Variants in CHST11 observed in about 807,000 individuals in gnomAD.
CHST11 encodes the protein carbohydrate sulfotransferase 11.
CHST11 carries 9 observed loss-of-function variants against 30.4 expected under a neutral mutation model. The observed-to-expected ratio is 0.30, with a 90% CI of 0.18 to 0.52. The LOEUF (loss-of-function observed/expected upper bound fraction) is 0.52, where lower values mean the gene tolerates loss of function less well. CHST11 is among the 20% of genes least tolerant of loss of function. The pLI is 0.97. For missense variants in CHST11, 348 were observed against 460.6 expected (o/e 0.76, Z 2.24); for synonymous variants, 152 against 187.8 (o/e 0.81, Z 1.56).
Position 104,600,375 on chromosome 12 carries a change from C to T in CHST11, c.119-1531C>T, listed in dbSNP as rs181332754. Among the ~76,000 whole-genome samples the T allele has an allele frequency of 6.6e-6, 1 of 152,320 alleles. No homozygotes were observed. The highest frequency in any genetic ancestry group is 2.4e-5 in the African/African-American group (1 of 41,576). ...CCCTGCTTGAGGTCTGGTCACTCCT[C>T]ATCAGTCCCCTTGATAGCCACAAAT... is the stretch of plus-strand genomic sequence containing the variant. On this transcript the variant is annotated intron_variant, in intron 1 of 2. Transcript: ENST00000303694. The surrounding 1 kb of genome is among the most constrained non-coding windows in gnomAD (Gnocchi z 4.1).
At chr12:104,731,638 T>G (rs1162486364) in intron 2 of CHST11, among the ~76,000 whole-genome samples, 1 of 152,210 alleles carries the variant, frequency 6.6e-6, no homozygotes, top group Non-Finnish European at 1.5e-5. Context: ...GGACTCAGCC[T>G]CTGCGGGCCT....
intron 1 of CHST11, among the ~76,000 whole-genome samples, chr12:104,558,157 C>G (rs1430131599): frequency 1.3e-5 from 2 of 152,192 alleles, no homozygotes; most frequent in Non-Finnish European, 2.9e-5. Flanking sequence ...GCCTCTTTGC[C>G]TCCCCCAGCA....
chr12:104,585,687 C>A (rs1327732941), intron 1 of CHST11, among the ~76,000 whole-genome samples: 1 of 152,194 alleles, frequency 6.6e-6, no homozygotes, highest in African/African-American at 2.4e-5. Flanking sequence ...GCTGCCATGA[C>A]AAATTCCCAC....
At chr12:104,525,229 A>G (rs140644058) in intron 1 of CHST11, among the ~76,000 whole-genome samples, 5,417 of 152,108 alleles carry the variant, frequency 0.036, 130 homozygotes, top group South Asian at 0.089. Context: ...GGCCTCAAGC[A>G]GTCCTCCTGC....
intron 1 of CHST11, among the ~76,000 whole-genome samples, chr12:104,504,794 C>T (rs972574834): frequency 5.3e-5 from 8 of 152,108 alleles, no homozygotes; most frequent in Admixed American, 5.2e-4. Flanking sequence ...AGTGAGACAC[C>T]CATCCCCCTG....
At chr12:104,553,788 T>C (rs1374073181) in intron 1 of CHST11, among the ~76,000 whole-genome samples, 1 of 152,216 alleles carries the variant, frequency 6.6e-6, no homozygotes, top group African/African-American at 2.4e-5. Flanking sequence ...CCAAACCATA[T>C]CAGCTGCATA....
At position 104,457,281 on chromosome 12, in the gene CHST11, C is replaced by T; in HGVS notation, c.-131C>T. The T allele has an allele frequency of 1.6e-6, 1 of 620,874 alleles. No individual in the cohort carries two copies. Among genetic ancestry groups the T allele is most frequent in the Non-Finnish European group, 2.8e-6 (1 of 354,012 alleles). 38.5% of individuals were successfully genotyped at this position (620,874 alleles called of 1,614,324 possible). On this transcript the variant is annotated 5_prime_UTR_variant, in exon 1 of 3. Coordinates refer to ENST00000303694, the MANE Select transcript of CHST11 (RefSeq NM_018413.6). ...TCCGAGAGCGGCCGCGAAGCGACTC[C>T]GATCCTCCCTCTGAGCCTTGCTCAG...
intron 1 of CHST11, among the ~76,000 whole-genome samples, chr12:104,576,983 T>C (rs1327066573): frequency 6.6e-6 from 1 of 151,642 alleles, no homozygotes; most frequent in African/African-American, 2.4e-5. Context: ...GGGGTGAGGG[T>C]GCCAGGAACA....
At chr12:104,723,585 G>T (rs972854370) in intron 2 of CHST11, among the ~76,000 whole-genome samples, 1 of 152,178 alleles carries the variant, frequency 6.6e-6, no homozygotes, top group African/African-American at 2.4e-5. Flanking sequence ...TCTTTATAGG[G>T]TCTTTGGCAT....
intron 1 of CHST11, among the ~76,000 whole-genome samples, chr12:104,504,602 CTCG>C (rs571367500): frequency 1.9e-3 from 286 of 152,254 alleles, no homozygotes; most frequent in African/African-American, 6.7e-3. Flanking sequence ...TGGGAGTGTT[CTCG>C]TCTAGTGATT....
intron 2 of CHST11, among the ~76,000 whole-genome samples, chr12:104,606,683 A>C (rs576464292): frequency 6.6e-6 from 1 of 152,192 alleles, no homozygotes; most frequent in South Asian, 2.1e-4. Flanking sequence ...CCAGTGACTC[A>C]AGCGAGACCT....
intron 2 of CHST11, among the ~76,000 whole-genome samples, chr12:104,702,924 A>G (rs1267003523): frequency 6.6e-6 from 1 of 152,154 alleles, no homozygotes; most frequent in Non-Finnish European, 1.5e-5. Context: ...AGTCCTCCTC[A>G]TGCCTTAGCA....
chr12:104,691,489 ATT>A (rs527650779), intron 2 of CHST11, among the ~76,000 whole-genome samples: 8 of 137,048 alleles, frequency 5.8e-5, no homozygotes, highest in Admixed American at 7.3e-5. Flanking sequence ...TAGAGGCACA[ATT>A]TTTTTTTTTT....
At chr12:104,662,200 C>T (rs140484051) in intron 2 of CHST11, among the ~76,000 whole-genome samples, 125 of 152,264 alleles carry the variant, frequency 8.2e-4, no homozygotes, top group African/African-American at 2.8e-3. Context: ...GCAAAGGAAA[C>T]GGGCTGGGAG....
chr12:104,476,057 T>C (rs1354948966), intron 1 of CHST11, among the ~76,000 whole-genome samples: 1 of 144,324 alleles, frequency 6.9e-6, no homozygotes. Context: ...ACTTGTAATA[T>C]ATAATTACAT....
At chr12:104,571,217 G>A (rs2038622581) in intron 1 of CHST11, among the ~76,000 whole-genome samples, 1 of 149,876 alleles carries the variant, frequency 6.7e-6, no homozygotes, top group Admixed American at 6.7e-5. Context: ...AGGCTGGAGT[G>A]CAATGGCCCG....
intron 1 of CHST11, chr12:104,514,000 G>T (rs1339421269): frequency 5.5e-6 from 4 of 725,062 alleles, no homozygotes; most frequent in Admixed American, 3.6e-5. Flanking sequence ...AGCAGGGGCT[G>T]CAGGGCAGTG....
intron 1 of CHST11, among the ~76,000 whole-genome samples, chr12:104,493,338 A>T (rs978818228): frequency 2.0e-5 from 3 of 152,108 alleles, no homozygotes; most frequent in Non-Finnish European, 4.4e-5. Flanking sequence ...TGTGGAAGAG[A>T]ATGTTTTTGC....
chr12:104,685,151 C>G (rs1300151041), intron 2 of CHST11, among the ~76,000 whole-genome samples: 1 of 152,104 alleles, frequency 6.6e-6, no homozygotes, highest in Non-Finnish European at 1.5e-5. Flanking sequence ...TTAATTTATG[C>G]TGAAGTAAAT....
Sources: gnomAD v4.1 joint callset for allele counts (sites outside exome capture counted in the v4.1 genomes callset) on GRCh38, gnomAD v4.1.1 for gene constraint, Gnocchi (gnomAD v3.1) non-coding constraint, MANE v1.5 for transcripts, NCBI Gene and HGNC (gene_info 2026-07-23, HGNC 2026-07-21) for gene names.